CLYBL: variants seen among roughly 807,000 people sequenced by gnomAD.
CLYBL encodes the protein citramalyl-CoA lyase.
In CLYBL, 31 loss-of-function variants were observed where a neutral mutation model predicts 38.9. The ratio of observed to expected loss-of-function variants is 0.80; its 90% CI spans 0.60 to 1.08. The LOEUF (loss-of-function observed/expected upper bound fraction) is 1.08, where lower values mean the gene tolerates loss of function less well. CLYBL is among the 50% of genes least tolerant of loss of function. The probability of loss-of-function intolerance (pLI) is 0.00; values close to 1 mark genes in which losing one functional copy is unlikely to be tolerated. For missense variants in CLYBL, 434 were observed against 411.6 expected (o/e 1.05, Z -0.47); for synonymous variants, 171 against 158.6 (o/e 1.08, Z -0.59).
intron 1 of CLYBL, among the ~76,000 whole-genome samples, chr13:99,751,265 G>T (rs2048952095): frequency 6.6e-6 from 1 of 151,902 alleles, no homozygotes; most frequent in African/African-American, 2.4e-5. Flanking sequence ...CTGTCACCCA[G>T]GCTGGAGTGT....
intron 2 of CLYBL, among the ~76,000 whole-genome samples, chr13:99,804,018 C>T (rs929419532): frequency 2.0e-5 from 3 of 152,134 alleles, no homozygotes; most frequent in African/African-American, 4.8e-5. Flanking sequence ...GAAGAAAGGA[C>T]GACCAGAAAA....
At chr13:99,683,580 T>TCAG (rs1302563265) in intron 1 of CLYBL, among the ~76,000 whole-genome samples, 1 of 151,828 alleles carries the variant, frequency 6.6e-6, no homozygotes, top group Non-Finnish European at 1.5e-5. Flanking sequence ...CTACACAGGG[T>TCAG]CAGGATCATC....
chr13:99,723,639 G>T (rs187486656), intron 1 of CLYBL, among the ~76,000 whole-genome samples: 2 of 152,248 alleles, frequency 1.3e-5, no homozygotes, highest in East Asian at 3.9e-4. Context: ...TTAAACCTTC[G>T]TATCCATGTT....
chr13:99,889,769 C>T (rs1376928592), intron 7 of CLYBL, among the ~76,000 whole-genome samples: 3 of 152,162 alleles, frequency 2.0e-5, no homozygotes, highest in Non-Finnish European at 4.4e-5. Flanking sequence ...TATGTATAAC[C>T]GTAAGTTACT....
chr13:99,710,951 G>T (rs1002174787), intron 1 of CLYBL, among the ~76,000 whole-genome samples: 1 of 138,844 alleles, frequency 7.2e-6, no homozygotes, highest in Non-Finnish European at 1.5e-5. Context: ...GCAGTGGCGT[G>T]ATCTCGGCTC....
At chr13:99,618,172 A>C (rs1385497939) in intron 1 of CLYBL, among the ~76,000 whole-genome samples, 8 of 152,246 alleles carry the variant, frequency 5.3e-5, no homozygotes, top group African/African-American at 1.9e-4. Context: ...TGCAGAAGGA[A>C]AAAAGAACAG....
At chr13:99,612,024 C>T (rs1051601774) in intron 1 of CLYBL, among the ~76,000 whole-genome samples, 4 of 152,144 alleles carry the variant, frequency 2.6e-5, no homozygotes, top group Admixed American at 2.0e-4. Flanking sequence ...CAATGTTAGG[C>T]CCCCCTCCAA....
intron 1 of CLYBL, among the ~76,000 whole-genome samples, chr13:99,706,058 A>G (rs2048142441): frequency 6.6e-6 from 1 of 151,942 alleles, no homozygotes; most frequent in South Asian, 2.1e-4. Context: ...CAGCCTTCCA[A>G]GTAGCTGGGA....
chr13:99,809,625 C>G (rs2050300910), intron 2 of CLYBL, among the ~76,000 whole-genome samples: 2 of 152,370 alleles, frequency 1.3e-5, no homozygotes, highest in Admixed American at 1.3e-4. Flanking sequence ...TGGCTGCAGG[C>G]CCCTTGGCTG....
chr13:99,772,696 CAAAAA>C, intron 1 of CLYBL, 123 bp from the exon 2 acceptor site: 2 of 826,818 alleles, frequency 2.4e-6, no homozygotes, highest in Non-Finnish European at 3.7e-6. Context: ...GACCCTGTCT[CAAAAA>C]AATAAAAATA....
intron 1 of CLYBL, among the ~76,000 whole-genome samples, chr13:99,674,558 A>G (rs1033519679): frequency 6.6e-6 from 1 of 152,056 alleles, no homozygotes; most frequent in African/African-American, 2.4e-5. Flanking sequence ...TGGTATTTAA[A>G]GTCTGGGTGG....
chr13:99,810,102 G>A (rs572773684), intron 2 of CLYBL, among the ~76,000 whole-genome samples: 6 of 152,138 alleles, frequency 3.9e-5, no homozygotes, highest in Admixed American at 1.3e-4. Flanking sequence ...TGATTAACTC[G>A]GTAACTCATC....
At position 99,607,772 on chromosome 13, in the gene CLYBL, C is replaced by G. The variant is rs530302085; in HGVS notation, c.62+1015C>G. 1.7e-3 allele frequency among the ~76,000 whole-genome samples: 266 copies of G among 152,262 alleles called. 1 individual carries two copies. Among genetic ancestry groups the G allele is most frequent in the Non-Finnish European group, 3.1e-3 (213 of 68,024 alleles). On this transcript the variant is annotated intron_variant, in intron 1 of 8. Transcript: ENST00000339105. ...TTATTTTTATTTTTTGAGACAGAGT[C>G]TCGGTCTGTCACCTAGGCTGTAGTA...
chr13:99,899,902 C>G (rs1015895058), downstream of CLYBL, among the ~76,000 whole-genome samples: 1 of 151,966 alleles, frequency 6.6e-6, no homozygotes, highest in Non-Finnish European at 1.5e-5. Context: ...GCAGCGAACC[C>G]CATTTTCTCC....
intron 1 of CLYBL, among the ~76,000 whole-genome samples, chr13:99,728,116 G>A (rs1309593626): frequency 6.6e-6 from 1 of 152,054 alleles, no homozygotes; most frequent in African/African-American, 2.4e-5. Flanking sequence ...TAATATTACA[G>A]ATCCCATTAT....
At chr13:99,657,641 A>AAATT (rs3032445) in intron 1 of CLYBL, among the ~76,000 whole-genome samples, 152,079 of 152,274 alleles carry the variant, frequency 1, 75,942 homozygotes, top group Middle Eastern at 1. Context: ...GATGGGGAAA[A>AAATT]AAACTCTTTA....
intron 2 of CLYBL, among the ~76,000 whole-genome samples, chr13:99,801,494 A>G (rs753125233): frequency 1.7e-4 from 25 of 151,026 alleles, no homozygotes; most frequent in African/African-American, 5.9e-4. Flanking sequence ...TTGGAAAGAG[A>G]TAAAAGTTTT....
chr13:99,789,251 G>A (rs1187235030), intron 2 of CLYBL, among the ~76,000 whole-genome samples: 4 of 152,118 alleles, frequency 2.6e-5, no homozygotes, highest in Non-Finnish European at 5.9e-5. Flanking sequence ...TTTTGAGTTT[G>A]TTTGCTCTTG....
intron 1 of CLYBL, among the ~76,000 whole-genome samples, chr13:99,757,223 A>C (rs1735240992): frequency 6.6e-6 from 1 of 152,042 alleles, no homozygotes; most frequent in African/African-American, 2.4e-5. Context: ...TTTTTTAATC[A>C]AAATACTTTT....
Sources: allele counts gnomAD v4.1 joint callset (sites outside exome capture counted in the v4.1 genomes callset), GRCh38; gene constraint gnomAD v4.1.1; transcripts MANE v1.5; gene names NCBI Gene and HGNC (gene_info 2026-07-23, HGNC 2026-07-21).